KLHL29: variants seen among roughly 807,000 people sequenced by gnomAD.
KLHL29 encodes the protein kelch like family member 29, also known as kelch-like protein 29.
In KLHL29, 21 loss-of-function variants were observed where a neutral mutation model predicts 80.4. The ratio of observed to expected loss-of-function variants is 0.26; its 90% CI spans 0.19 to 0.38. The LOEUF (loss-of-function observed/expected upper bound fraction) is 0.38. Among genes scored for constraint, KLHL29 ranks in the 10% least tolerant of loss-of-function variants. KLHL29 has a pLI of 1.00. For missense variants in KLHL29, 867 were observed against 1,223.9 expected, an observed-to-expected ratio of 0.71 and a Z score of 4.35; for synonymous variants, 511 against 526.8, an observed-to-expected ratio of 0.97 and a Z score of 0.41.
At chr2:23,639,429 G>A (rs1188403156) in intron 4 of KLHL29, 149 bp downstream of exon 4, 2 of 723,442 alleles carry the variant, frequency 2.8e-6, no homozygotes, top group Non-Finnish European at 4.5e-6. Flanking sequence ...CAAAGGCACT[G>A]TGTGTAATTC....
At chr2:23,412,851 G>T (rs1020272265) in intron 1 of KLHL29, among the ~76,000 whole-genome samples, 7 of 152,138 alleles carry the variant, frequency 4.6e-5, no homozygotes, top group African/African-American at 1.7e-4. Context: ...CTTGGAGGGA[G>T]ATGGCTGGTT....
chr2:23,471,671 T>G (rs1341105008), intron 1 of KLHL29, among the ~76,000 whole-genome samples: 1 of 152,194 alleles, frequency 6.6e-6, no homozygotes, highest in Non-Finnish European at 1.5e-5. Flanking sequence ...CTTTTACGAT[T>G]TGTTTTCCTT....
rs1056225906 is a variant in KLHL29 at position 23,562,449 on chromosome 2, G to C, written c.253G>C (p.Val85Leu). 1.3e-6 allele frequency: 2 copies of C among 1,536,706 alleles called. No individual in the cohort carries two copies. Among genetic ancestry groups the C allele is most frequent in the Non-Finnish European group, 1.7e-6 (2 of 1,146,776 alleles). Residue 85 changes from valine (V) to leucine (L), a missense_variant, in exon 3 of 14, where the codon GTG becomes CTG. Val to Leu is a conservative substitution (Grantham distance 32, BLOSUM62 1). Coordinates refer to ENST00000486442, the MANE Select transcript of KLHL29 (RefSeq NM_052920.2). The surrounding 1 kb of genome is among the most constrained non-coding windows in gnomAD (Gnocchi z 4.5). ...CAGCAGCGAGGCCATCACCAGCCTC[G>C]TGGCCAGCTCTGCGTCTGCGGTCAC... The part of the protein sequence containing the change: ...TGSSEAITSL[V>L]ASSASAVTTK...
chr2:23,427,063 C>T (rs1402548443), intron 1 of KLHL29, among the ~76,000 whole-genome samples: 2 of 152,134 alleles, frequency 1.3e-5, no homozygotes, highest in Non-Finnish European at 2.9e-5. Context: ...CATTTCATAT[C>T]CCAGGTGACC....
At chr2:23,644,282 AAAAG>A (rs1489094633) in intron 5 of KLHL29, 37 of 152,044 alleles carry the variant, frequency 2.4e-4, no homozygotes, top group African/African-American at 7.7e-4. Flanking sequence ...TAAAAAAAAA[AAAAG>A]AAAGAAAGAA....
chr2:23,575,123 T>TGGCC (rs1207245395), intron 3 of KLHL29, among the ~76,000 whole-genome samples: 4 of 152,182 alleles, frequency 2.6e-5, no homozygotes, highest in Non-Finnish European at 5.9e-5. Flanking sequence ...CGGAGCTGCC[T>TGGCC]GGCCGGCCGC....
intron 3 of KLHL29, among the ~76,000 whole-genome samples, chr2:23,587,310 T>C (rs1572419433): frequency 6.6e-6 from 1 of 151,516 alleles, no homozygotes; most frequent in Non-Finnish European, 1.5e-5. Flanking sequence ...TATATAACAA[T>C]GCTCCTTTCA....
At chr2:23,693,618 C>T in intron 8 of KLHL29, 90 bp downstream of exon 8, 2 of 1,276,454 alleles carry the variant, frequency 1.6e-6, no homozygotes, top group Non-Finnish European at 2.2e-6. Flanking sequence ...AGGAAGTGAA[C>T]CTTCCTTGTC....
At chr2:23,704,662 G>A (rs1233747858) in intron 13 of KLHL29, among the ~76,000 whole-genome samples, 1 of 152,146 alleles carries the variant, frequency 6.6e-6, no homozygotes, top group Non-Finnish European at 1.5e-5. Flanking sequence ...AGCTTCTCAG[G>A]AAGCTGAGGC....
intron 2 of KLHL29, among the ~76,000 whole-genome samples, chr2:23,553,680 C>T (rs1667186356): frequency 1.3e-5 from 2 of 152,186 alleles, no homozygotes; most frequent in South Asian, 4.1e-4. Flanking sequence ...GATGGGGGGG[C>T]CTCCATACAT....
At chr2:23,515,638 G>A (rs536330237) in intron 2 of KLHL29, among the ~76,000 whole-genome samples, 2 of 152,358 alleles carry the variant, frequency 1.3e-5, no homozygotes, top group East Asian at 3.9e-4. Context: ...CCCATGCCCA[G>A]CACAATTCCT....
intron 1 of KLHL29, 52 bp downstream of exon 1, chr2:23,385,832 C>T (rs907910949): frequency 1.3e-5 from 2 of 151,790 alleles, no homozygotes; most frequent in African/African-American, 2.4e-5. Flanking sequence ...GGAGGGAGAC[C>T]CAGGTCCTGG....
intron 2 of KLHL29, among the ~76,000 whole-genome samples, chr2:23,541,347 A>G (rs147967686): frequency 2.4e-4 from 37 of 152,348 alleles, no homozygotes; most frequent in African/African-American, 8.9e-4. Flanking sequence ...AGGCCAGAGG[A>G]GAGAACCGGG....
chr2:23,678,044 C>A (rs371786446), intron 5 of KLHL29, among the ~76,000 whole-genome samples: 1 of 152,222 alleles, frequency 6.6e-6, no homozygotes, highest in Non-Finnish European at 1.5e-5. Context: ...TATTTGACAT[C>A]TCTTCCTCTT....
chr2:23,696,225 A>C lies in KLHL29; in HGVS notation c.1924+92A>C. 1 of 1,490,478 alleles carries C rather than the reference A, an allele frequency of 6.7e-7. No individual in the cohort carries two copies. Among genetic ancestry groups the C allele is most frequent in the Non-Finnish European group, 9.1e-7 (1 of 1,101,316 alleles). 92.3% of individuals were successfully genotyped at this position (1,490,478 alleles called of 1,614,324 possible). On this transcript the variant is annotated intron_variant, in intron 10 of 13. Coordinates refer to ENST00000486442, the MANE Select transcript of KLHL29 (RefSeq NM_052920.2). This position sits in a 1 kb window ranked among gnomAD's most constrained non-coding sequence, Gnocchi z 5.5. Reference sequence around the variant, plus strand: ...GGGCTGAGGAAGGCCATGGCCCAGAAGTGTCTACTTTGCAGGTGAAGCCTT... The same window carrying C: ...GGGCTGAGGAAGGCCATGGCCCAGACGTGTCTACTTTGCAGGTGAAGCCTT...
intron 1 of KLHL29, among the ~76,000 whole-genome samples, chr2:23,387,248 G>A (rs189805839): frequency 2.6e-5 from 4 of 152,218 alleles, no homozygotes; most frequent in Non-Finnish European, 5.9e-5. Context: ...GCGGCATCCC[G>A]GCCCGCTGCT....
chr2:23,474,700 AAG>A (rs1374090857), intron 1 of KLHL29, among the ~76,000 whole-genome samples: 2 of 152,200 alleles, frequency 1.3e-5, no homozygotes, highest in Non-Finnish European at 2.9e-5. Context: ...AGCTGACCAT[AAG>A]GCAGAATGAG....
intron 3 of KLHL29, among the ~76,000 whole-genome samples, chr2:23,569,278 G>A (rs1166183222): frequency 6.6e-6 from 1 of 152,222 alleles, no homozygotes; most frequent in Admixed American, 6.5e-5. Context: ...CTGAAATCAG[G>A]AAAGGGAGCC....
chr2:23,459,995 G>A (rs938504166), intron 1 of KLHL29, among the ~76,000 whole-genome samples: 3 of 152,196 alleles, frequency 2.0e-5, no homozygotes, highest in Admixed American at 2.0e-4. Context: ...GGAGAAGCTG[G>A]AAGGGTATCC....
Sources: allele counts gnomAD v4.1 joint callset (sites outside exome capture counted in the v4.1 genomes callset), GRCh38; gene constraint gnomAD v4.1.1; non-coding constraint Gnocchi (gnomAD v3.1); transcripts MANE v1.5; gene names NCBI Gene and HGNC (gene_info 2026-07-23, HGNC 2026-07-21).